Variants in ABCB1 observed in about 807,000 individuals in gnomAD.
ABCB1 encodes ATP binding cassette subfamily B member 1.
ABCB1 carries 69 observed loss-of-function variants against 142.0 expected under a neutral mutation model. That is an observed-to-expected ratio of 0.49 (90% CI 0.40 to 0.59). The LOEUF is 0.59. ABCB1 is among the 20% of genes least tolerant of loss of function. The pLI, the probability that ABCB1 is intolerant of heterozygous loss-of-function variation, is 0.00. For synonymous variants in ABCB1, 532 were observed against 539.2 expected (o/e 0.99, Z 0.18); for missense variants, 1,326 against 1,554.7 (o/e 0.85, Z 2.47).
At chr7:87,541,628 T>G (rs1053191897) in intron 17 of ABCB1, among the ~76,000 whole-genome samples, 164 bp from the exon 18 acceptor site, 5 of 152,168 alleles carry the variant, frequency 3.3e-5, no homozygotes, top group African/African-American at 1.2e-4. Flanking sequence ...GTCTGCATTC[T>G]CCCTTCTGTG....
intron 1 of ABCB1, among the ~76,000 whole-genome samples, chr7:87,683,405 G>T (rs1827128082): frequency 6.6e-6 from 1 of 152,148 alleles, no homozygotes; most frequent in Non-Finnish European, 1.5e-5. Context: ...TTTTTGACAT[G>T]CCTTCCTCAA....
upstream of ABCB1, among the ~76,000 whole-genome samples, chr7:87,605,637 A>C (rs887489111): frequency 6.6e-6 from 1 of 152,232 alleles, no homozygotes; most frequent in Non-Finnish European, 1.5e-5. Flanking sequence ...TTCCAGCTTC[A>C]TGACTTACTA....
intron 4 of ABCB1, among the ~76,000 whole-genome samples, chr7:87,574,061 A>T (rs1020526499): frequency 1.3e-5 from 2 of 152,340 alleles, no homozygotes; most frequent in Admixed American, 6.5e-5. Flanking sequence ...ATTGCTGACT[A>T]CATAGGCACT....
intron 27 of ABCB1, among the ~76,000 whole-genome samples, chr7:87,504,748 G>T (rs1361637307): frequency 3.3e-5 from 5 of 151,288 alleles, no homozygotes; most frequent in Admixed American, 1.3e-4. Flanking sequence ...GAGCTTGCAG[G>T]GAGCCAAGAT....
chr7:87,630,091 A>G (rs1563086096), intron 1 of ABCB1, among the ~76,000 whole-genome samples: 1 of 152,218 alleles, frequency 6.6e-6, no homozygotes, highest in South Asian at 2.1e-4. Flanking sequence ...TTTTAAAATT[A>G]CTTTCCTCCA....
intron 3 of ABCB1, among the ~76,000 whole-genome samples, chr7:87,593,645 C>T (rs1819083781): frequency 6.6e-6 from 1 of 152,224 alleles, no homozygotes; most frequent in African/African-American, 2.4e-5. Flanking sequence ...TTCTGCCTTC[C>T]TTCTATGAGT....
chr7:87,512,165 T>TGG (rs1351530504), intron 25 of ABCB1, among the ~76,000 whole-genome samples: 1 of 150,104 alleles, frequency 6.7e-6, no homozygotes, highest in African/African-American at 2.5e-5. Flanking sequence ...TCCACCTTTG[T>TGG]ATCTAATTTT....
rs756188258 is a variant in ABCB1, at chr7:87,539,294, T to C, written c.2371A>G (p.Met791Val). The C allele has an allele frequency of 1.9e-6, 3 of 1,614,114 alleles. No homozygotes were observed. The highest frequency in any genetic ancestry group is 1.7e-6 in the Non-Finnish European group (2 of 1,179,994). Reference protein sequence around the residue: ...GEILTKRLRYMVFRSMLRQDV... With the variant: ...GEILTKRLRYVVFRSMLRQDV... ...TGTCTGAGCATGGATCGGAAAACCA[T>C]GTATCGGAGCCGCTTGGTGAGGATC... Residue 791 changes from methionine to valine, a missense_variant, in exon 19 of 28, where the codon ATG becomes GTG. Met to Val is a conservative substitution (Grantham distance 21, BLOSUM62 1). Coordinates refer to ENST00000622132, the MANE Select transcript of ABCB1 (RefSeq NM_001348946.2).
intron 1 of ABCB1, among the ~76,000 whole-genome samples, chr7:87,695,059 T>C (rs974654176): frequency 2.6e-5 from 4 of 152,128 alleles, no homozygotes; most frequent in African/African-American, 9.6e-5. Context: ...ACTTGAAGTG[T>C]CCTGTAAGTA....
chr7:87,684,062 A>G (rs961293552), intron 1 of ABCB1, among the ~76,000 whole-genome samples: 3 of 152,238 alleles, frequency 2.0e-5, no homozygotes, highest in African/African-American at 7.2e-5. Context: ...TAATAGGTGC[A>G]TAGAAAAGCA....
upstream of ABCB1, chr7:87,603,007 A>G (rs1819516790): frequency 6.6e-6 from 1 of 152,156 alleles, no homozygotes. Context: ...TCAAGCGGTG[A>G]TATTTCCATT....
upstream of ABCB1, among the ~76,000 whole-genome samples, chr7:87,605,725 C>T (rs577464062): frequency 6.6e-6 from 1 of 152,206 alleles, no homozygotes; most frequent in East Asian, 1.9e-4. Context: ...CTCCACTGCT[C>T]AAAAACCTTG....
intron 1 of ABCB1, among the ~76,000 whole-genome samples, chr7:87,626,345 T>C (rs1584933138): frequency 3.0e-5 from 1 of 33,204 alleles, no homozygotes; most frequent in Non-Finnish European, 4.7e-5. Context: ...CGTATATGTG[T>C]CATATATATG....
chr7:87,552,604 C>T, intron 9 of ABCB1, among the ~76,000 whole-genome samples: 1 of 148,910 alleles, frequency 6.7e-6, no homozygotes, highest in Non-Finnish European at 1.5e-5. Flanking sequence ...AAACAGAAAA[C>T]ATCTGTTATG....
intron 1 of ABCB1, among the ~76,000 whole-genome samples, chr7:87,662,567 T>G (rs1824821524): frequency 6.6e-6 from 1 of 152,026 alleles, no homozygotes; most frequent in African/African-American, 2.4e-5. Context: ...AACTGTAGTT[T>G]TATGGATTTA....
At chr7:87,601,403 A>AG (rs1420472741), upstream of ABCB1, among the ~76,000 whole-genome samples, 1 of 152,260 alleles carries the variant, frequency 6.6e-6, no homozygotes, top group Non-Finnish European at 1.5e-5. Flanking sequence ...ATGAAAGAAA[A>AG]AGGAAGTTTT....
chr7:87,593,441 A>T (rs1196128219), intron 3 of ABCB1, among the ~76,000 whole-genome samples: 2 of 152,234 alleles, frequency 1.3e-5, no homozygotes, highest in Non-Finnish European at 2.9e-5. Flanking sequence ...AAAATCTCAT[A>T]GTGGAAATAA....
Position 87,516,617 on chromosome 7 carries a change from A to G in ABCB1, c.2976T>C (p.Ser992=). Residue 992 remains serine (S), a synonymous_variant, in exon 24 of 28, where the codon AGT becomes AGC. Coordinates refer to ENST00000622132, the MANE Select transcript of ABCB1 (RefSeq NM_001348946.2). ...VFGAMAVGQV[S]SFAPDYAKAK... ...CTTTGGCATAGTCAGGAGCAAATGA[A>G]CTGACTTGCCCCACGGCCATGGCAC... 1.2e-6 allele frequency: 2 copies of G among 1,614,176 alleles called. No individual in the cohort carries two copies. Among genetic ancestry groups the G allele is most frequent in the Non-Finnish European group, 1.7e-6 (2 of 1,180,036 alleles).
intron 1 of ABCB1, among the ~76,000 whole-genome samples, chr7:87,608,526 A>G (rs1179292406): frequency 2.0e-5 from 3 of 152,186 alleles, no homozygotes; most frequent in East Asian, 1.9e-4. Flanking sequence ...CTATGTACCT[A>G]TTTCCTCATT....
Sources: gnomAD v4.1 joint callset for allele counts (sites outside exome capture counted in the v4.1 genomes callset) on GRCh38, gnomAD v4.1.1 for gene constraint, MANE v1.5 for transcripts, NCBI Gene and HGNC (gene_info 2026-07-23, HGNC 2026-07-21) for gene names.